Variants in MAGI2 observed in about 807,000 individuals in gnomAD.
The protein encoded by MAGI2 is membrane-associated guanylate kinase, WW and PDZ domain-containing protein 2.
In MAGI2, 35 loss-of-function variants were observed where a neutral mutation model predicts 133.3. That is an observed-to-expected ratio of 0.26 (90% CI 0.20 to 0.35). MAGI2 has a LOEUF of 0.35. Among genes scored for constraint, MAGI2 ranks in the 10% least tolerant of loss-of-function variants. The probability of loss-of-function intolerance (pLI) is 1.00; values close to 1 mark genes in which losing one functional copy is unlikely to be tolerated. For missense variants in MAGI2, 1,636 were observed against 1,863.4 expected (o/e 0.88, Z 2.25); for synonymous variants, 729 against 710.6 (o/e 1.03, Z -0.41).
chr7:78,869,041 C>G (rs1794821752), intron 2 of MAGI2, among the ~76,000 whole-genome samples: 2 of 152,184 alleles, frequency 1.3e-5, no homozygotes, highest in Non-Finnish European at 2.9e-5. Context: ...GCGTGAGCCA[C>G]CATGCCCAGC....
intron 1 of MAGI2, among the ~76,000 whole-genome samples, chr7:79,186,238 A>ATATATATATATATATT (rs1827125157): frequency 1.1e-5 from 1 of 87,404 alleles, no homozygotes; most frequent in African/African-American, 3.2e-5. Context: ...ATATATATAT[A>ATATATATATATATATT]TATATTTATA....
chr7:79,199,903 T>C (rs1005843471), intron 1 of MAGI2, among the ~76,000 whole-genome samples: 4 of 151,768 alleles, frequency 2.6e-5, no homozygotes, highest in African/African-American at 9.7e-5. Context: ...TTCAGGGAGA[T>C]TTCTATGTTA....
chr7:79,289,996 C>A (rs1836338027), intron 1 of MAGI2, among the ~76,000 whole-genome samples: 1 of 151,928 alleles, frequency 6.6e-6, no homozygotes, highest in Admixed American at 6.6e-5. Flanking sequence ...TTAAAGTGAT[C>A]TATTCTTCTC....
chr7:79,062,647 G>GA (rs1813867340), intron 1 of MAGI2, among the ~76,000 whole-genome samples: 1 of 152,038 alleles, frequency 6.6e-6, no homozygotes, highest in Non-Finnish European at 1.5e-5. Context: ...TTTAAAAAGA[G>GA]AAAAATATAT....
intron 2 of MAGI2, among the ~76,000 whole-genome samples, chr7:78,829,272 T>C (rs1450091231): frequency 6.6e-6 from 1 of 152,104 alleles, no homozygotes. Context: ...GTTGTTTATG[T>C]ACTTTCTGAT....
chr7:78,555,166 A>G (rs1156288428), intron 3 of MAGI2, among the ~76,000 whole-genome samples: 7 of 129,362 alleles, frequency 5.4e-5, no homozygotes, highest in African/African-American at 2.1e-4. Flanking sequence ...ATAAATAAAT[A>G]AATAAATGAA....
chr7:78,950,485 T>C (rs1330587720), intron 2 of MAGI2, among the ~76,000 whole-genome samples: 1 of 152,206 alleles, frequency 6.6e-6, no homozygotes, highest in East Asian at 1.9e-4. Flanking sequence ...CCTTACACAT[T>C]TTTAGCACTG....
chr7:78,177,261 G>A (rs1056741355), intron 14 of MAGI2, among the ~76,000 whole-genome samples: 7 of 152,184 alleles, frequency 4.6e-5, no homozygotes, highest in African/African-American at 1.7e-4. Context: ...CAAAACTTTC[G>A]TGGACCTAAC....
At chr7:79,422,998 T>C (rs1172382069) in intron 1 of MAGI2, among the ~76,000 whole-genome samples, 1 of 151,980 alleles carries the variant, frequency 6.6e-6, no homozygotes, top group Non-Finnish European at 1.5e-5. Context: ...AACATAAGAA[T>C]TAAAAAAGAA....
chr7:78,146,040 GCTTT>G (rs1343432561), intron 16 of MAGI2, among the ~76,000 whole-genome samples: 1 of 151,954 alleles, frequency 6.6e-6, no homozygotes, highest in Non-Finnish European at 1.5e-5. Context: ...AGTTTTTGAA[GCTTT>G]CTTTTCTTCC....
At chr7:78,468,722 G>T (rs866829240) in intron 6 of MAGI2, among the ~76,000 whole-genome samples, 5 of 152,112 alleles carry the variant, frequency 3.3e-5, no homozygotes, top group Non-Finnish European at 7.3e-5. Flanking sequence ...AACCACAATT[G>T]GGAGGTTAAA....
chr7:79,417,033 G>A (rs1392112316), intron 1 of MAGI2, among the ~76,000 whole-genome samples: 1 of 151,736 alleles, frequency 6.6e-6, no homozygotes, highest in Non-Finnish European at 1.5e-5. Flanking sequence ...TGCCCGGCCT[G>A]TTCTTTCTAC....
At chr7:79,324,948 G>T (rs987659438) in intron 1 of MAGI2, among the ~76,000 whole-genome samples, 2 of 151,376 alleles carry the variant, frequency 1.3e-5, no homozygotes, top group African/African-American at 2.4e-5. Flanking sequence ...GCATTTTTCA[G>T]CTCTTCCCAC....
At chr7:78,229,630 A>G (rs991804049) in intron 10 of MAGI2, among the ~76,000 whole-genome samples, 1 of 152,140 alleles carries the variant, frequency 6.6e-6, no homozygotes, top group Non-Finnish European at 1.5e-5. Context: ...GCTCTGGATC[A>G]CTCTGCCAAG....
At chr7:78,844,361 C>T (rs963475159) in intron 2 of MAGI2, among the ~76,000 whole-genome samples, 1 of 151,738 alleles carries the variant, frequency 6.6e-6, no homozygotes, top group Non-Finnish European at 1.5e-5. Flanking sequence ...TGTGAATGTT[C>T]ATAGCATCAT....
At chr7:78,533,586 G>A (rs1393574175) in intron 3 of MAGI2, among the ~76,000 whole-genome samples, 3 of 152,146 alleles carry the variant, frequency 2.0e-5, no homozygotes, top group Admixed American at 1.3e-4. Context: ...CAATATGGCA[G>A]CCACTTGTTA....
intron 6 of MAGI2, among the ~76,000 whole-genome samples, chr7:78,415,283 T>C (rs554208087): frequency 6.6e-6 from 1 of 152,148 alleles, no homozygotes; most frequent in South Asian, 2.1e-4. Context: ...TACATCTAAA[T>C]GAGCTACGCT....
intron 1 of MAGI2, among the ~76,000 whole-genome samples, chr7:79,156,851 T>A (rs933673588): frequency 2.0e-5 from 3 of 152,050 alleles, no homozygotes; most frequent in Non-Finnish European, 4.4e-5. Context: ...GCATCCAACA[T>A]AGGGCCTCAG....
chr7:78,483,706 G>A (rs1036302962), intron 6 of MAGI2, among the ~76,000 whole-genome samples: 3 of 151,708 alleles, frequency 2.0e-5, no homozygotes, highest in Non-Finnish European at 4.4e-5. Flanking sequence ...GACTGGAAAG[G>A]GCACTATATT....
Sources: gnomAD v4.1 joint callset for allele counts (sites outside exome capture counted in the v4.1 genomes callset) on GRCh38, gnomAD v4.1.1 for gene constraint, MANE v1.5 for transcripts, NCBI Gene and HGNC (gene_info 2026-07-23, HGNC 2026-07-21) for gene names.